ABR: variants seen among roughly 807,000 people sequenced by gnomAD.
ABR encodes the protein ABR activator of RhoGEF and GTPase.
A neutral mutation model predicts 107.2 loss-of-function variants in ABR; 35 were observed. The ratio of observed to expected loss-of-function variants is 0.33; its 90% confidence interval spans 0.25 to 0.43. ABR has a LOEUF of 0.43. Among genes scored for constraint, ABR ranks in the 20% least tolerant of loss-of-function variants. The pLI, the probability that ABR is intolerant of heterozygous loss-of-function variation, is 1.00. For synonymous variants in ABR, 498 were observed against 462.0 expected (o/e 1.08, Z -1.00); for missense variants, 815 against 1,115.2 (o/e 0.73, Z 3.83).
In ABR at chr17:1,132,699, A is replaced by G. The variant is rs540691598; in HGVS notation, c.62-7332T>C. On this transcript the variant is annotated intron_variant, in intron 1 of 22. Coordinates refer to ENST00000302538, the MANE Select transcript of ABR (RefSeq NM_021962.5). ...GCCAATAAAGCACTTTTACAAGCCA[A>G]TGAGAAAAGATGAAAACCTCAACTT... Among the ~76,000 whole-genome samples the G allele has an allele frequency of 3.9e-5, 6 of 152,316 alleles. No individual in the cohort carries two copies. The East Asian group carries it at 1.2e-3, about 29-fold the overall frequency.
intron 1 of ABR, chr17:1,153,891 C>G (rs560981861): frequency 5.1e-4 from 102 of 199,226 alleles, no homozygotes; most frequent in Non-Finnish European, 9.2e-4. Flanking sequence ...CGGCAACCAT[C>G]TCATCCTTCT....
At chr17:1,021,019 C>A (rs767838066) in intron 16 of ABR, among the ~76,000 whole-genome samples, 1 of 152,272 alleles carries the variant, frequency 6.6e-6, no homozygotes, top group East Asian at 1.9e-4. Flanking sequence ...GCACGCAGCT[C>A]GCCCCAAGGT....
intron 1 of ABR, among the ~76,000 whole-genome samples, chr17:1,169,921 G>A (rs1053108670): frequency 6.8e-6 from 1 of 147,506 alleles, no homozygotes; most frequent in Admixed American, 7.1e-5. Flanking sequence ...CATCCCAACC[G>A]CCAAAGTCTA....
rs893469666 is a variant in ABR at position 1,125,122 on chromosome 17, C to A, written c.246+61G>T. 1.1e-5 allele frequency: 17 copies of A among 1,496,986 alleles called. No homozygotes were observed. In the African/African-American group the frequency reaches 1.3e-4, roughly 11 times the overall value. The allele number at this position is 1,496,986 out of a possible 1,614,324, so 92.7% of individuals were successfully genotyped here. On this transcript the variant is annotated intron_variant, in intron 2 of 22. Coordinates refer to ENST00000302538, the MANE Select transcript of ABR (RefSeq NM_021962.5). Reference sequence around the variant, plus strand: ...ACCAACCCAAGCAGGGCCTGGCCCACGATGCCCAGGCCTTCCCGTCACCCC... The same window carrying A: ...ACCAACCCAAGCAGGGCCTGGCCCAAGATGCCCAGGCCTTCCCGTCACCCC...
At chr17:1,090,183 A>G (rs2036924110) in intron 4 of ABR, among the ~76,000 whole-genome samples, 1 of 152,210 alleles carries the variant, frequency 6.6e-6, no homozygotes, top group South Asian at 2.1e-4. Context: ...AAGAGTTAAG[A>G]AAGTGCCTGC....
chr17:1,019,022 G>A (rs757441108), intron 16 of ABR, among the ~76,000 whole-genome samples: 9 of 152,142 alleles, frequency 5.9e-5, no homozygotes, highest in Non-Finnish European at 1.3e-4. Context: ...ATGACCCGCA[G>A]CTGCTGTAAC....
rs11247571 is a variant in ABR at position 1,005,262 on chromosome 17, A to G, written c.*818T>C. ...GAAGGGAACTGAAAAGCAGTAGAAGAAACAGTCAGAGATGCCTCACTGATA... is the reference window on the plus strand; with the variant it reads ...GAAGGGAACTGAAAAGCAGTAGAAGGAACAGTCAGAGATGCCTCACTGATA... On this transcript the variant is annotated 3_prime_UTR_variant, in exon 23 of 23. Coordinates refer to ENST00000302538, the MANE Select transcript of ABR (RefSeq NM_021962.5). The G allele has an allele frequency of 0.34, 134,386 of 398,020 alleles. 22,807 individuals carry two copies. Among genetic ancestry groups the G allele is most frequent in the African/African-American group, 0.37 (18,118 of 48,700 alleles). The allele number at this position is 398,020 out of a possible 1,614,324, so 24.7% of individuals were successfully genotyped here.
chr17:1,089,967 A>G (rs113233242), intron 4 of ABR, among the ~76,000 whole-genome samples: 8 of 152,310 alleles, frequency 5.3e-5, no homozygotes, highest in South Asian at 2.1e-4. Context: ...TCTCAACAAA[A>G]AAAGGAAATG....
Position 1,070,700 on chromosome 17 carries a change from C to A in ABR, c.895-610G>T, listed in dbSNP as rs1194249952. ...GTGCCCAGAGGGGACCTGCAGCCAA[C>A]TCTAACCTGGGCTCTGGGTGGTTTC... On this transcript the variant is annotated intron_variant, in intron 8 of 22. Coordinates refer to ENST00000302538, the MANE Select transcript of ABR (RefSeq NM_021962.5). This position sits in a 1 kb window ranked among gnomAD's most constrained non-coding sequence, Gnocchi z 4.2. Among the ~76,000 whole-genome samples the A allele has an allele frequency of 1.3e-5, 2 of 152,092 alleles. No homozygotes were observed. The highest frequency in any genetic ancestry group is 2.9e-5 in the Non-Finnish European group (2 of 68,022).
intron 1 of ABR, among the ~76,000 whole-genome samples, chr17:1,171,544 G>A (rs533089229): frequency 6.6e-6 from 1 of 152,304 alleles, no homozygotes; most frequent in East Asian, 1.9e-4. Context: ...TGGAGACCCT[G>A]CTAGCCTTAG....
chr17:1,067,276 G>C, intron 9 of ABR, 34 bp from the exon 10 acceptor site: 1 of 1,538,416 alleles, frequency 6.5e-7, no homozygotes, highest in Non-Finnish European at 8.7e-7. Context: ...ATGAGCCAGA[G>C]GGAGCCTGGC....
intron 2 of ABR, among the ~76,000 whole-genome samples, chr17:1,121,365 T>G (rs2039339245): frequency 6.6e-6 from 1 of 152,230 alleles, no homozygotes; most frequent in African/African-American, 2.4e-5. Flanking sequence ...GACTTGGTCT[T>G]TGCAGTGGTA....
chr17:1,198,994 C>T (rs1235172728), intron 1 of ABR, among the ~76,000 whole-genome samples: 2 of 145,808 alleles, frequency 1.4e-5, no homozygotes, highest in African/African-American at 5.2e-5. Context: ...GCAGAGGTTG[C>T]AGTGAGCCGA....
In ABR at chr17:1,113,380, C is replaced by T. The variant is rs551925029; in HGVS notation, c.246+11803G>A. Among the ~76,000 whole-genome samples, 601 of 149,908 alleles carry T rather than the reference C, an allele frequency of 4.0e-3. 3 individuals carry two copies. Among genetic ancestry groups the T allele is most frequent in the African/African-American group, 0.014 (569 of 40,576 alleles). On this transcript the variant is annotated intron_variant, in intron 2 of 22. Coordinates refer to ENST00000302538, the MANE Select transcript of ABR (RefSeq NM_021962.5). ...CAGCTCACTGCAACCTCCGCCTCCT[C>T]GGTTCAACCCATTCTTTCGCCTCAG... is the stretch of plus-strand genomic sequence containing the variant.
At position 1,011,791 on chromosome 17, in the gene ABR, C is replaced by T; in HGVS notation, c.2101+55G>A. 2 of 1,524,028 alleles carry T rather than the reference C, an allele frequency of 1.3e-6. No individual in the cohort carries two copies. Among genetic ancestry groups the T allele is most frequent in the Non-Finnish European group, 1.8e-6 (2 of 1,131,192 alleles). The allele number at this position is 1,524,028 out of a possible 1,614,324, so 94.4% of individuals were successfully genotyped here. ...TTCCCCCGAGCTCTCCTGTCCATCC[C>T]ACCAGCCTGCTCAGACACAGCCACA... On this transcript the variant is annotated intron_variant, in intron 19 of 22. Coordinates refer to ENST00000302538, the MANE Select transcript of ABR (RefSeq NM_021962.5). The surrounding 1 kb of genome is among the most constrained non-coding windows in gnomAD (Gnocchi z 4.8).
At chr17:1,136,172 T>C (rs923959073) in intron 1 of ABR, among the ~76,000 whole-genome samples, 5 of 152,204 alleles carry the variant, frequency 3.3e-5, no homozygotes, top group Non-Finnish European at 7.4e-5. Flanking sequence ...CTTCTTCCAA[T>C]AGAAGGCTGT....
At chr17:1,066,015 G>C (rs1323856695) in intron 10 of ABR, among the ~76,000 whole-genome samples, 4 of 152,114 alleles carry the variant, frequency 2.6e-5, no homozygotes, top group African/African-American at 4.8e-5. Context: ...AAAGTGCTGG[G>C]ATTACAGGCA....
chr17:1,206,806 T>A lies in ABR; in HGVS notation c.838+21987A>T, dbSNP rs542758747. 2.0e-5 allele frequency among the ~76,000 whole-genome samples: 3 copies of A among 152,188 alleles called. No individual in the cohort carries two copies. In the East Asian group the frequency reaches 5.8e-4, roughly 29 times the overall value. On this transcript the variant is annotated intron_variant, in intron 1 of 22. Transcript: ENST00000574139. ...CTACAAAAACATACAAAAATTAGGC[T>A]GGGCGCGGTGGCTCATGCTTGTCAT...
Position 1,147,313 on chromosome 17 carries a change from C to T in ABR, c.62-21946G>A, listed in dbSNP as rs552482133. Among the ~76,000 whole-genome samples the T allele has an allele frequency of 4.0e-5, 6 of 151,860 alleles. No individual in the cohort carries two copies. In the East Asian group the frequency reaches 1.2e-3, roughly 30 times the overall value. ...ACCACTGTGAGCAAGCAGCAGCTTGCTTGTGTTAAGTGATGAGGATTTCAG... is the reference window on the plus strand; with the variant it reads ...ACCACTGTGAGCAAGCAGCAGCTTGTTTGTGTTAAGTGATGAGGATTTCAG... On this transcript the variant is annotated intron_variant, in intron 1 of 22. Transcript: ENST00000302538.
Sources: gnomAD v4.1 joint callset for allele counts (sites outside exome capture counted in the v4.1 genomes callset) on GRCh38, gnomAD v4.1.1 for gene constraint, Gnocchi (gnomAD v3.1) non-coding constraint, MANE v1.5 for transcripts, NCBI Gene and HGNC (gene_info 2026-07-23, HGNC 2026-07-21) for gene names.